Variants in LY9 observed in about 807,000 individuals in gnomAD.
LY9 encodes the protein T-lymphocyte surface antigen Ly-9.
A neutral mutation model predicts 64.6 loss-of-function variants in LY9; 59 were observed. The ratio of observed to expected loss-of-function variants is 0.91; its 90% CI spans 0.74 to 1.13. LY9 has a LOEUF of 1.13. Among genes scored for constraint, LY9 ranks in the 50% most tolerant of loss-of-function variants. The probability of loss-of-function intolerance (pLI) is 0.00; values close to 1 mark genes in which losing one functional copy is unlikely to be tolerated. For missense variants in LY9, 789 were observed against 797.2 expected (o/e 0.99, Z 0.12); for synonymous variants, 281 against 308.5 (o/e 0.91, Z 0.93).
At chr1:160,826,128 C>G (rs976628886) in intron 9 of LY9, among the ~76,000 whole-genome samples, 3 of 151,982 alleles carry the variant, frequency 2.0e-5, no homozygotes, top group Non-Finnish European at 4.4e-5. Flanking sequence ...TGTATTCTTA[C>G]AATAAAGTAA....
chr1:160,802,135 T>C, intron 2 of LY9: 1 of 1,322,176 alleles, frequency 7.6e-7, no homozygotes. Context: ...TCCTGGTCTG[T>C]GAAGAGCCGC....
At chr1:160,812,544 C>T (rs1308550465) in intron 2 of LY9, 9 of 152,152 alleles carry the variant, frequency 5.9e-5, no homozygotes, top group Admixed American at 2.6e-4. Context: ...TGACAAATGA[C>T]GTACAATAAT....
intron 2 of LY9, 102 bp from the exon 3 acceptor site, chr1:160,813,534 T>C: frequency 1.6e-6 from 2 of 1,212,784 alleles, no homozygotes; most frequent in Non-Finnish European, 1.2e-6. Flanking sequence ...CGCTGGCCTC[T>C]CTCTGCTGCC....
chr1:160,800,861 G>A (rs1321273795), intron 2 of LY9, among the ~76,000 whole-genome samples: 1 of 152,178 alleles, frequency 6.6e-6, no homozygotes, highest in Non-Finnish European at 1.5e-5. Context: ...CCATGGTGCT[G>A]CAAAAGACAT....
intron 2 of LY9, among the ~76,000 whole-genome samples, chr1:160,806,558 A>G (rs1018373931): frequency 2.6e-5 from 4 of 152,026 alleles, no homozygotes; most frequent in Non-Finnish European, 5.9e-5. Flanking sequence ...ATATTATTCC[A>G]TTTTCTTCTG....
rs1014175737 is a variant in LY9, at chr1:160,797,147, C to A, written c.124+836C>A. 4 of 985,406 alleles carry A rather than the reference C, an allele frequency of 4.1e-6. No homozygotes were observed. In the African/African-American group the frequency reaches 5.2e-5, roughly 13 times the overall value. 61.0% of individuals were successfully genotyped at this position (985,406 alleles called of 1,614,324 possible). ...GGAAACATCTCTCCGCTGCATGGCC[C>A]GGAACCCCACTGTCCAGCAGATAGA... On this transcript the variant is annotated intron_variant, in intron 1 of 9. Coordinates refer to ENST00000263285, the MANE Select transcript of LY9 (RefSeq NM_002348.4).
At chr1:160,804,375 A>G (rs1398660377) in intron 2 of LY9, among the ~76,000 whole-genome samples, 1 of 152,160 alleles carries the variant, frequency 6.6e-6, no homozygotes, top group African/African-American at 2.4e-5. Flanking sequence ...CAGTCTATTG[A>G]TGTGATGTAT....
chr1:160,813,504 G>A (rs1315111987), intron 2 of LY9, 132 bp from the exon 3 acceptor site: 2 of 803,980 alleles, frequency 2.5e-6, no homozygotes. Context: ...CTGCAGAGAA[G>A]ATGTCCCTGC....
At chr1:160,826,336 G>A (rs1179324191) in intron 9 of LY9, among the ~76,000 whole-genome samples, 2 of 152,106 alleles carry the variant, frequency 1.3e-5, no homozygotes, top group Non-Finnish European at 2.9e-5. Context: ...AGGGGAGGCA[G>A]GAGAGGCAGG....
At chr1:160,802,868 G>T (rs777638029) in intron 2 of LY9, 15 of 173,902 alleles carry the variant, frequency 8.6e-5, no homozygotes, top group Non-Finnish European at 1.5e-4. Context: ...TGCTGTTTTG[G>T]TTGCTATAGC....
Position 160,827,888 on chromosome 1 carries a change from G to A in LY9, c.*72G>A. 1 of 1,257,492 alleles carries A rather than the reference G, an allele frequency of 8.0e-7. No homozygotes were observed. The highest frequency in any genetic ancestry group is 2.4e-5 in the East Asian group (1 of 41,808). The allele number at this position is 1,257,492 out of a possible 1,614,324, so 77.9% of individuals were successfully genotyped here. A position where few individuals can be genotyped will look rare whatever the true frequency, so the allele number is the denominator to read the frequency against. On this transcript the variant is annotated 3_prime_UTR_variant, in exon 10 of 10. Transcript: ENST00000263285. Reference sequence around the variant, plus strand: ...AGTCAGCTGGACCTCATGGGGCCTGGGGCTCACAGACAGAAGCACCTCAGA... The same window carrying A: ...AGTCAGCTGGACCTCATGGGGCCTGAGGCTCACAGACAGAAGCACCTCAGA...
At chr1:160,823,881 G>A (rs1668678051) in intron 8 of LY9, 85 bp downstream of exon 8, 7 of 1,139,220 alleles carry the variant, frequency 6.1e-6, no homozygotes, top group Non-Finnish European at 3.9e-6. Flanking sequence ...CCTCCAAACT[G>A]GGGGCTGGGG....
chr1:160,820,881 G>A (rs1571050889), intron 7 of LY9, among the ~76,000 whole-genome samples: 1 of 150,100 alleles, frequency 6.7e-6, no homozygotes, highest in Non-Finnish European at 1.5e-5. Flanking sequence ...GACTGGGCAC[G>A]GTGGCTCACG....
chr1:160,824,375 C>T, intron 9 of LY9, 126 bp downstream of exon 9: 1 of 1,475,230 alleles, frequency 6.8e-7, no homozygotes. Context: ...CTATGCACCC[C>T]TCAGATACAT....
chr1:160,814,548 T>C lies in LY9; in HGVS notation c.859T>C (p.Ser287Pro). 2 of 1,613,992 alleles carry C rather than the reference T, an allele frequency of 1.2e-6. No individual in the cohort carries two copies. The highest frequency in any genetic ancestry group is 2.2e-5 in the South Asian group (2 of 91,070). The change falls in exon 4 of 10, where the codon TCC becomes CCC. Residue 287 changes from serine (S) to proline (P), a missense_variant. By Grantham distance (74) the Ser-to-Pro change is moderately conservative. Coordinates refer to ENST00000263285, the MANE Select transcript of LY9 (RefSeq NM_002348.4). The stretch of plus-strand genomic sequence containing the variant: ...GAAGGTTGTCTGGTTGTTTAACACA[T>C]CCATCATTAGCAAAGAGAGGGAAGA... Reference protein sequence around the residue: ...TEKVVWLFNTSIISKEREEAA... With the variant: ...TEKVVWLFNTPIISKEREEAA...
rs117114060 is a variant in LY9, at chr1:160,813,225, G to A, written c.455-411G>A. 322 of 195,492 alleles carry A rather than the reference G, an allele frequency of 1.6e-3. 8 individuals are homozygous for A. The East Asian group carries it at 0.037, about 22-fold the overall frequency. The allele number at this position is 195,492 out of a possible 1,614,324, so 12.1% of individuals were successfully genotyped here. On this transcript the variant is annotated intron_variant, in intron 2 of 9. Coordinates refer to ENST00000263285, the MANE Select transcript of LY9 (RefSeq NM_002348.4). ...TCCTAAATTCAGACCAAAGACACGG[G>A]CAACTCAAATTCTAGAAGCAGAGGT... is the stretch of plus-strand genomic sequence containing the variant.
rs73017956 is a variant in LY9, at chr1:160,797,194, G to A, written c.124+883G>A. ...TAGAGCCAATCCAGTACCCCAGAGA[G>A]GATCTCAGCCACCTGGGACTGTGGC... is the stretch of plus-strand genomic sequence containing the variant. On this transcript the variant is annotated intron_variant, in intron 1 of 9. Coordinates refer to ENST00000263285, the MANE Select transcript of LY9 (RefSeq NM_002348.4). 8.7e-3 allele frequency: 8,550 copies of A among 985,452 alleles called. 347 individuals are homozygous for A. In the African/African-American group the frequency reaches 0.11, roughly 12 times the overall value. 61.0% of individuals were successfully genotyped at this position (985,452 alleles called of 1,614,324 possible).
At chr1:160,818,373 T>C in intron 6 of LY9, 54 bp downstream of exon 6, 1 of 1,331,560 alleles carries the variant, frequency 7.5e-7, no homozygotes, top group Non-Finnish European at 1.1e-6. Context: ...TCCCTGGGAC[T>C]TGTGGAGGCT....
In LY9 at chr1:160,816,487, G is replaced by A. The variant is rs369717017; in HGVS notation, c.1073-107G>A. ...CTGTGGCTCCTGGAGGCACTTTGCC[G>A]GCAGTATCAACACTCAGCTTCATGA... On this transcript the variant is annotated intron_variant, in intron 4 of 9. Coordinates refer to ENST00000263285, the MANE Select transcript of LY9 (RefSeq NM_002348.4). The A allele has an allele frequency of 1.3e-4, 175 of 1,306,182 alleles. 1 individual carries two copies. The African/African-American group carries it at 1.6e-3, about 12-fold the overall frequency. The allele number at this position is 1,306,182 out of a possible 1,614,324, so 80.9% of individuals were successfully genotyped here.
Sources: gnomAD v4.1 joint callset for allele counts (sites outside exome capture counted in the v4.1 genomes callset) on GRCh38, gnomAD v4.1.1 for gene constraint, MANE v1.5 for transcripts, NCBI Gene and HGNC (gene_info 2026-07-23, HGNC 2026-07-21) for gene names.